GLI3: variants seen among roughly 807,000 people sequenced by gnomAD.
GLI3 encodes GLI family zinc finger 3.
Under a neutral mutation model 100.8 loss-of-function variants are expected in GLI3, and 20 were observed. The ratio of observed to expected loss-of-function variants is 0.20; its 90% confidence interval spans 0.14 to 0.29. The LOEUF (loss-of-function observed/expected upper bound fraction) is 0.29, where lower values mean the gene tolerates loss of function less well. Among genes scored for constraint, GLI3 ranks in the 10% least tolerant of loss-of-function variants. The pLI is 1.00. For synonymous variants in GLI3, 938 were observed against 860.5 expected, an observed-to-expected ratio of 1.09 and a Z score of -1.58; for missense variants, 2,040 against 2,128.5, an observed-to-expected ratio of 0.96 and a Z score of 0.82.
chr7:41,983,743 T>C (rs1787737399), intron 10 of GLI3, among the ~76,000 whole-genome samples: 1 of 152,092 alleles, frequency 6.6e-6, no homozygotes, highest in Non-Finnish European at 1.5e-5. Context: ...TCTCCCTGTC[T>C]GAATAAACAG....
intron 2 of GLI3, among the ~76,000 whole-genome samples, chr7:42,161,292 T>C (rs2128793738): frequency 6.6e-6 from 1 of 152,334 alleles, no homozygotes; most frequent in African/African-American, 2.4e-5. Context: ...CCATAAATAA[T>C]GTTTTGTTGG....
chr7:42,046,589 C>T (rs1314288924), intron 5 of GLI3, among the ~76,000 whole-genome samples: 1 of 152,166 alleles, frequency 6.6e-6, no homozygotes, highest in Non-Finnish European at 1.5e-5. Context: ...GATATATATA[C>T]TCGTCATCAA....
chr7:42,241,629 C>A (rs1053797795), upstream of GLI3, among the ~76,000 whole-genome samples: 1 of 152,198 alleles, frequency 6.6e-6, no homozygotes, highest in Non-Finnish European at 1.5e-5. Flanking sequence ...TCACTCAGCA[C>A]CCGCGTAACT....
chr7:42,251,808 C>T (rs559645775), intron 1 of GLI3, among the ~76,000 whole-genome samples: 2 of 152,158 alleles, frequency 1.3e-5, no homozygotes, highest in African/African-American at 4.8e-5. Context: ...GGCATTCTGG[C>T]TCCAGAGCCT....
chr7:42,246,803 A>ATTTTTTTTT (rs1198985258), intron 1 of GLI3, among the ~76,000 whole-genome samples: 1 of 63,380 alleles, frequency 1.6e-5, no homozygotes, highest in African/African-American at 5.8e-5. Flanking sequence ...GGATGATAGA[A>ATTTTTTTTT]TCTTTTTTTT....
chr7:42,206,501 A>C (rs574538081), intron 2 of GLI3, among the ~76,000 whole-genome samples: 10 of 152,236 alleles, frequency 6.6e-5, no homozygotes, highest in African/African-American at 2.4e-4. Context: ...CTCTCCCCAG[A>C]GTTAACCACT....
At chr7:42,069,854 T>G (rs960177979) in intron 4 of GLI3, among the ~76,000 whole-genome samples, 1 of 152,242 alleles carries the variant, frequency 6.6e-6, no homozygotes, top group Middle Eastern at 3.2e-3. Context: ...AAACAGGCCA[T>G]GAACCGTATT....
chr7:42,102,503 G>T (rs1487087642), intron 3 of GLI3, among the ~76,000 whole-genome samples: 1 of 152,168 alleles, frequency 6.6e-6, no homozygotes, highest in Non-Finnish European at 1.5e-5. Flanking sequence ...TTGGTGCAAG[G>T]GTTGGAATCA....
At chr7:42,207,001 T>C (rs1359835708) in intron 2 of GLI3, among the ~76,000 whole-genome samples, 2 of 152,214 alleles carry the variant, frequency 1.3e-5, no homozygotes, top group Non-Finnish European at 2.9e-5. Flanking sequence ...CACAACTGGA[T>C]ACCACTGCAT....
chr7:42,084,901 C>CTTTTTTT lies in GLI3; in HGVS notation c.368-8051_368-8045dup, dbSNP rs747166719. ...AGCTCTAAAAATATGCATTTGGATT[C>CTTTTTTT]TTTTTTTTTTTTTTTTTTTTTTTTT... On this transcript the variant is annotated intron_variant, in intron 3 of 14. Coordinates refer to ENST00000395925, the MANE Select transcript of GLI3 (RefSeq NM_000168.6). Among the ~76,000 whole-genome samples the CTTTTTTT allele has an allele frequency of 1.2e-3, 57 of 47,516 alleles. 4 individuals are homozygous for CTTTTTTT. The highest frequency in any genetic ancestry group is 4.8e-3 in the African/African-American group (46 of 9,596). The allele number at this position is 47,516 out of a possible 152,430, so 31.2% of individuals were successfully genotyped here.
At chr7:42,006,922 C>A (rs1248632381) in intron 10 of GLI3, among the ~76,000 whole-genome samples, 1 of 152,002 alleles carries the variant, frequency 6.6e-6, no homozygotes, top group Non-Finnish European at 1.5e-5. Context: ...GAGTTCCTGA[C>A]AATAAAAGCA....
chr7:42,213,515 T>C (rs1029311356), intron 2 of GLI3, among the ~76,000 whole-genome samples: 2 of 152,116 alleles, frequency 1.3e-5, no homozygotes, highest in African/African-American at 2.4e-5. Flanking sequence ...ATAAGACAGA[T>C]AACAAAACTG....
Position 41,966,950 on chromosome 7 carries a change from G to A in GLI3, c.2432-309C>T, listed in dbSNP as rs1488915200. On this transcript the variant is annotated intron_variant, in intron 14 of 14. Coordinates refer to ENST00000395925, the MANE Select transcript of GLI3 (RefSeq NM_000168.6). This position sits in a 1 kb window ranked among gnomAD's most constrained non-coding sequence, Gnocchi z 5.8. The stretch of plus-strand genomic sequence containing the variant: ...TAAACAAAACAATAACAACTCCCTC[G>A]ATTCACTGAAGCCCCTCCCCAAGCG... 6.6e-6 allele frequency among the ~76,000 whole-genome samples: 1 copy of A among 152,158 alleles called. No individual in the cohort carries two copies. Among genetic ancestry groups the A allele is most frequent in the Non-Finnish European group, 1.5e-5 (1 of 68,034 alleles).
chr7:42,038,833 G>A (rs1029849395), intron 7 of GLI3, among the ~76,000 whole-genome samples: 9 of 152,206 alleles, frequency 5.9e-5, no homozygotes, highest in African/African-American at 2.2e-4. Context: ...TTTACTAAAT[G>A]TGGGTATCTT....
intron 10 of GLI3, among the ~76,000 whole-genome samples, chr7:42,000,246 T>A (rs1402752099): frequency 6.6e-6 from 1 of 152,234 alleles, no homozygotes; most frequent in Non-Finnish European, 1.5e-5. Flanking sequence ...AGAGTGAGAA[T>A]TAGGCAGATC....
chr7:42,083,267 A>G (rs75864251), intron 3 of GLI3, among the ~76,000 whole-genome samples: 188 of 152,300 alleles, frequency 1.2e-3, no homozygotes, highest in Non-Finnish European at 2.3e-3. Context: ...TTTAATGTTT[A>G]GGTCCCACAA....
chr7:42,212,910 G>T (rs1172472585), intron 2 of GLI3, among the ~76,000 whole-genome samples: 3 of 152,176 alleles, frequency 2.0e-5, no homozygotes, highest in African/African-American at 4.8e-5. Flanking sequence ...AAACAATAGA[G>T]CCACCTCATT....
chr7:42,000,031 C>A (rs999006205), intron 10 of GLI3, among the ~76,000 whole-genome samples: 1 of 152,214 alleles, frequency 6.6e-6, no homozygotes, highest in Non-Finnish European at 1.5e-5. Context: ...CTTCGTCCTG[C>A]AGGGCTGAAT....
At chr7:42,218,444 T>C (rs1788418979) in intron 2 of GLI3, among the ~76,000 whole-genome samples, 1 of 150,040 alleles carries the variant, frequency 6.7e-6, no homozygotes, top group Admixed American at 6.6e-5. Flanking sequence ...GCGGTTTTTG[T>C]CATTACTTTT....
Sources: allele counts gnomAD v4.1 joint callset (sites outside exome capture counted in the v4.1 genomes callset), GRCh38; gene constraint gnomAD v4.1.1; non-coding constraint Gnocchi (gnomAD v3.1); transcripts MANE v1.5; gene names NCBI Gene and HGNC (gene_info 2026-07-23, HGNC 2026-07-21).